The following VXN variants were observed in gnomAD, a reference collection of about 807,000 sequenced individuals.
VXN encodes the protein vexin, also known as uncharacterized protein C8orf46.
Under a neutral mutation model 23.1 loss-of-function variants are expected in VXN, and 7 were observed. The ratio of observed to expected loss-of-function variants is 0.30; its 90% CI spans 0.17 to 0.57. The LOEUF (loss-of-function observed/expected upper bound fraction) is 0.57, where lower values mean the gene tolerates loss of function less well. Among genes scored for constraint, VXN ranks in the 20% least tolerant of loss-of-function variants. The probability of loss-of-function intolerance (pLI) is 0.91; values close to 1 mark genes in which losing one functional copy is unlikely to be tolerated. For missense variants in VXN, 238 were observed against 272.6 expected (o/e 0.87, Z 0.89); for synonymous variants, 120 against 105.8 (o/e 1.13, Z -0.83).
chr8:66,506,079 G>A (rs536503110), intron 3 of VXN, among the ~76,000 whole-genome samples: 1 of 152,274 alleles, frequency 6.6e-6, no homozygotes, highest in East Asian at 1.9e-4. Context: ...CCACTGAGAT[G>A]GGCTGTTATC....
chr8:66,517,717 A>G lies in VXN; in HGVS notation c.*1641A>G, dbSNP rs775101720. 2.0e-5 allele frequency: 3 copies of G among 152,266 alleles called. No individual in the cohort carries two copies. Among genetic ancestry groups the G allele is most frequent in the African/African-American group, 4.8e-5 (2 of 41,474 alleles). 9.4% of individuals were successfully genotyped at this position (152,266 alleles called of 1,614,324 possible). A position where few individuals can be genotyped will look rare whatever the true frequency, so the allele number is the denominator to read the frequency against. On this transcript the variant is annotated 3_prime_UTR_variant, in exon 6 of 6. Transcript: ENST00000305454. The stretch of plus-strand genomic sequence containing the variant: ...TTTGTTTTCTAATTCAGAGGTTTAA[A>G]TTAATCTAGCCCACTTAATAAAACC...
At chr8:66,514,752 G>C (rs2130561594) in intron 5 of VXN, among the ~76,000 whole-genome samples, 1 of 152,270 alleles carries the variant, frequency 6.6e-6, no homozygotes, top group Middle Eastern at 3.4e-3. Flanking sequence ...GAGATAATAT[G>C]TGGAGAGCTT....
At chr8:66,510,941 C>T (rs1175958340) in intron 4 of VXN, among the ~76,000 whole-genome samples, 3 of 152,196 alleles carry the variant, frequency 2.0e-5, no homozygotes, top group Non-Finnish European at 2.9e-5. Context: ...CCGGAACAAG[C>T]ATTACCCACT....
intron 4 of VXN, chr8:66,510,478 C>T (rs753956443): frequency 1.3e-4 from 32 of 248,334 alleles, no homozygotes; most frequent in African/African-American, 1.8e-4. Context: ...CACAGGACCC[C>T]GCCAGGTAGA....
intron 1 of VXN, 43 bp from the exon 2 acceptor site, chr8:66,496,394 G>A (rs778906378): frequency 2.4e-5 from 38 of 1,590,960 alleles, no homozygotes; most frequent in East Asian, 1.3e-4. Flanking sequence ...TGTCAGCCTC[G>A]CTGATGTTGT....
At chr8:66,510,309 A>G in intron 4 of VXN, 152 bp downstream of exon 4, 1 of 645,110 alleles carries the variant, frequency 1.6e-6, no homozygotes, top group Non-Finnish European at 2.6e-6. Flanking sequence ...TTGCTCCCAA[A>G]AGCTCTCAGT....
intron 2 of VXN, among the ~76,000 whole-genome samples, chr8:66,502,099 C>T (rs1050686705): frequency 1.7e-4 from 26 of 152,326 alleles, no homozygotes; most frequent in African/African-American, 6.0e-4. Context: ...TCCTTCTTCT[C>T]TGATTCCTCT....
chr8:66,502,568 G>A (rs1466027228), intron 2 of VXN, among the ~76,000 whole-genome samples: 2 of 152,032 alleles, frequency 1.3e-5, no homozygotes, highest in Non-Finnish European at 2.9e-5. Flanking sequence ...CCAATATGGT[G>A]AAACCCCATC....
chr8:66,513,980 T>A (rs2130560594), intron 5 of VXN: 1 of 217,510 alleles, frequency 4.6e-6, no homozygotes. Flanking sequence ...GCGTCAGAAA[T>A]ATCTCATGAG....
At chr8:66,515,865 T>A in intron 5 of VXN, 28 bp from the exon 6 acceptor site, 1 of 1,528,580 alleles carries the variant, frequency 6.5e-7, no homozygotes, top group Non-Finnish European at 8.8e-7. Flanking sequence ...CAGACCACCC[T>A]CCCCACCCAC....
intron 3 of VXN, among the ~76,000 whole-genome samples, chr8:66,506,938 G>A (rs925618943): frequency 1.3e-5 from 2 of 152,088 alleles, no homozygotes; most frequent in Admixed American, 6.6e-5. Context: ...GTGGGTGCAT[G>A]TGTGTGTGGA....
intron 2 of VXN, among the ~76,000 whole-genome samples, chr8:66,503,155 G>A (rs1220693756): frequency 1.3e-5 from 2 of 152,104 alleles, no homozygotes; most frequent in South Asian, 2.1e-4. Flanking sequence ...CTGAATGTAG[G>A]CACTTCTATA....
In VXN at chr8:66,516,096, C is replaced by A. The variant is rs780707495; in HGVS notation, c.*20C>A. ...GACTAAAGGTGACCCTCTTCAAGTG[C>A]CCTGTGTTGGCCAAGGTTCCCCGGA... On this transcript the variant is annotated 3_prime_UTR_variant, in exon 6 of 6. Transcript: ENST00000305454. 1.3e-6 allele frequency: 2 copies of A among 1,579,644 alleles called. No individual in the cohort carries two copies. The highest frequency in any genetic ancestry group is 1.7e-6 in the Non-Finnish European group (2 of 1,167,096).
chr8:66,505,911 C>T (rs1219054942), intron 3 of VXN, among the ~76,000 whole-genome samples: 1 of 152,204 alleles, frequency 6.6e-6, no homozygotes, highest in Non-Finnish European at 1.5e-5. Context: ...CCGCCTCAGC[C>T]TCCCTGGGAC....
chr8:66,518,357 T>A lies in VXN; in HGVS notation c.*2281T>A, dbSNP rs542795731. On this transcript the variant is annotated 3_prime_UTR_variant, in exon 6 of 6. Transcript: ENST00000305454. ...TTTAACTTATTTCATTTATAACTGG[T>A]ATCTTTCATTTGTATGTGGCAGCTA... is the stretch of plus-strand genomic sequence containing the variant. The A allele has an allele frequency of 6.6e-6, 1 of 152,374 alleles. No homozygotes were observed. Among genetic ancestry groups the A allele is most frequent in the Non-Finnish European group, 1.5e-5 (1 of 68,038 alleles). The allele number at this position is 152,374 out of a possible 1,614,324, so 9.4% of individuals were successfully genotyped here. A position where few individuals can be genotyped will look rare whatever the true frequency, so the allele number is the denominator to read the frequency against.
At chr8:66,515,853 A>T (rs1419695893) in intron 5 of VXN, 40 bp from the exon 6 acceptor site, 19 of 1,501,264 alleles carry the variant, frequency 1.3e-5, no homozygotes, top group Middle Eastern at 1.8e-4. Context: ...TTGGCTTGTG[A>T]GCAGACCACC....
chr8:66,499,348 TTAGCCTCCCAAGTATCTGGGAC>T (rs1355161009), intron 2 of VXN, among the ~76,000 whole-genome samples: 2 of 150,862 alleles, frequency 1.3e-5, no homozygotes, highest in African/African-American at 4.9e-5. Flanking sequence ...TCCTCCCTTC[TTAGCCTCCCAAGTATCTGGGAC>T]TACAGGCATG....
rs115170907 is a variant in VXN, at chr8:66,513,663, T to C, written c.440+26T>C. On this transcript the variant is annotated intron_variant, in intron 5 of 5. Coordinates refer to ENST00000305454, the MANE Select transcript of VXN (RefSeq NM_152765.4). The stretch of plus-strand genomic sequence containing the variant: ...GTAAGTGCTGCGTCTCTGGCCCCAC[T>C]GCCTGTGGCCTCCCACTGTCCTGAT... The C allele has an allele frequency of 4.0e-4, 638 of 1,576,048 alleles. 2 individuals are homozygous for C. In the African/African-American group the frequency reaches 7.7e-3, roughly 19 times the overall value.
chr8:66,506,657 C>T (rs1189235742), intron 3 of VXN, among the ~76,000 whole-genome samples: 1 of 152,102 alleles, frequency 6.6e-6, no homozygotes, highest in Non-Finnish European at 1.5e-5. Flanking sequence ...GACTCTACTG[C>T]GTATAGTCCC....
Sources: allele counts gnomAD v4.1 joint callset (sites outside exome capture counted in the v4.1 genomes callset), GRCh38; gene constraint gnomAD v4.1.1; transcripts MANE v1.5; gene names NCBI Gene and HGNC (gene_info 2026-07-23, HGNC 2026-07-21).